The following FAM20C variants were observed in gnomAD, a reference collection of about 807,000 sequenced individuals.
FAM20C encodes FAM20C golgi associated secretory pathway kinase.
A neutral mutation model predicts 51.5 loss-of-function variants in FAM20C; 40 were observed. The observed-to-expected ratio is 0.78, with a 90% CI of 0.60 to 1.01. FAM20C has a LOEUF of 1.01. Among genes scored for constraint, FAM20C ranks in the 50% least tolerant of loss-of-function variants. The pLI, the probability that FAM20C is intolerant of heterozygous loss-of-function variation, is 0.00. For missense variants in FAM20C, 861 were observed against 844.7 expected, an observed-to-expected ratio of 1.02 and a Z score of -0.24; for synonymous variants, 406 against 380.6, an observed-to-expected ratio of 1.07 and a Z score of -0.78.
chr7:205,812 G>A (rs765971807), intron 2 of FAM20C, among the ~76,000 whole-genome samples: 7 of 151,970 alleles, frequency 4.6e-5, no homozygotes, highest in Non-Finnish European at 8.8e-5. Flanking sequence ...AGTGTCCTCG[G>A]GAAGCATCCA....
At chr7:252,597 C>G (rs1222849493) in intron 5 of FAM20C, among the ~76,000 whole-genome samples, 1 of 152,240 alleles carries the variant, frequency 6.6e-6, no homozygotes, top group Admixed American at 6.5e-5. Flanking sequence ...AGTGACCCTC[C>G]CGTGGGGTCA....
At chr7:217,995 T>G (rs1268065178) in intron 3 of FAM20C, among the ~76,000 whole-genome samples, 1 of 152,080 alleles carries the variant, frequency 6.6e-6, no homozygotes, top group African/African-American at 2.4e-5. Context: ...GGGCTGCCCG[T>G]CCCCGTCGGC....
intron 5 of FAM20C, among the ~76,000 whole-genome samples, chr7:254,238 T>C (rs540284069): frequency 1.3e-5 from 2 of 152,316 alleles, no homozygotes; most frequent in South Asian, 4.1e-4. Context: ...GCCACCCTCC[T>C]GTTCACTCCG....
At chr7:229,076 A>T (rs936933802) in intron 3 of FAM20C, 4 of 303,836 alleles carry the variant, frequency 1.3e-5, no homozygotes, top group Non-Finnish European at 2.5e-5. Flanking sequence ...CACGGGGGCC[A>T]CTCTAGGACC....
At chr7:255,179 G>A (rs546259715) in intron 5 of FAM20C, among the ~76,000 whole-genome samples, 97 of 152,292 alleles carry the variant, frequency 6.4e-4, no homozygotes, top group Non-Finnish European at 1.2e-3. Context: ...CGTTTCCGCC[G>A]TGGCTGTGCC....
chr7:242,945 A>AACCTGTGCCACCCGGGAT (rs1291791100), intron 3 of FAM20C, among the ~76,000 whole-genome samples: 8 of 151,608 alleles, frequency 5.3e-5, no homozygotes, highest in African/African-American at 1.2e-4. Flanking sequence ...ACCTACAAGA[A>AACCTGTGCCACCCGGGAT]ACCTGTGCCA....
At chr7:209,134 C>A (rs985916692) in intron 3 of FAM20C, among the ~76,000 whole-genome samples, 158 bp downstream of exon 3, 2 of 152,180 alleles carry the variant, frequency 1.3e-5, no homozygotes, top group Non-Finnish European at 2.9e-5. Context: ...AAACGAGCAA[C>A]AGAGGTGGCC....
At chr7:218,906 C>T (rs138762548) in intron 3 of FAM20C, among the ~76,000 whole-genome samples, 19,390 of 129,380 alleles carry the variant, frequency 0.15, 2,010 homozygotes, top group Admixed American at 0.24. Flanking sequence ...GCCCAGGACG[C>T]ACAGATCACT....
At chr7:254,674 G>T (rs1788522008) in intron 5 of FAM20C, among the ~76,000 whole-genome samples, 1 of 152,172 alleles carries the variant, frequency 6.6e-6, no homozygotes, top group Non-Finnish European at 1.5e-5. Context: ...ATCCACAATG[G>T]TGTGCAACCA....
chr7:234,160 G>A (rs1787780217), intron 3 of FAM20C, among the ~76,000 whole-genome samples: 1 of 152,128 alleles, frequency 6.6e-6, no homozygotes, highest in Non-Finnish European at 1.5e-5. Context: ...CCTTCGTGAG[G>A]AGGAGAGCAC....
intron 3 of FAM20C, among the ~76,000 whole-genome samples, chr7:220,080 T>C (rs1168257432): frequency 6.6e-6 from 1 of 152,130 alleles, no homozygotes; most frequent in Non-Finnish European, 1.5e-5. Flanking sequence ...TCCTGCTGAC[T>C]CCCTGGGGGA....
intron 1 of FAM20C, among the ~76,000 whole-genome samples, chr7:194,487 G>A (rs769628591): frequency 1.4e-5 from 2 of 140,836 alleles, no homozygotes; most frequent in African/African-American, 2.7e-5. Context: ...CATTAACCAC[G>A]ACAAGGCCAG....
chr7:230,065 T>C (rs1787600130), intron 3 of FAM20C, among the ~76,000 whole-genome samples: 1 of 152,064 alleles, frequency 6.6e-6, no homozygotes, highest in Non-Finnish European at 1.5e-5. Context: ...GCCCCGGCCG[T>C]GGAACCTGTA....
intron 3 of FAM20C, among the ~76,000 whole-genome samples, chr7:232,735 C>G (rs942354325): frequency 4.6e-5 from 7 of 152,354 alleles, no homozygotes; most frequent in South Asian, 2.1e-4. Context: ...GGGCCAGCTC[C>G]GGGAATGCCT....
At chr7:210,615 T>C (rs1260222245) in intron 3 of FAM20C, among the ~76,000 whole-genome samples, 3 of 152,102 alleles carry the variant, frequency 2.0e-5, no homozygotes, top group Non-Finnish European at 2.9e-5. Flanking sequence ...GGAGCATTTT[T>C]CAGCCTCGCA....
In FAM20C at chr7:257,112, C is replaced by T. The variant is rs374297031; in HGVS notation, c.1445+26C>T. 136 of 1,533,808 alleles carry T rather than the reference C, an allele frequency of 8.9e-5. No homozygotes were observed. The African/African-American group carries it at 1.8e-3, about 20-fold the overall frequency. On this transcript the variant is annotated intron_variant, in intron 8 of 9. Coordinates refer to ENST00000313766, the MANE Select transcript of FAM20C (RefSeq NM_020223.4). Reference sequence around the variant, plus strand: ...GTGAGCCTGTCCTCGCCCCTGCACACCCAGGGAAGGGCCGGCCACCTCCCA... The same window carrying T: ...GTGAGCCTGTCCTCGCCCCTGCACATCCAGGGAAGGGCCGGCCACCTCCCA...
chr7:210,440 A>G (rs1459821343), intron 3 of FAM20C, among the ~76,000 whole-genome samples: 2 of 150,020 alleles, frequency 1.3e-5, no homozygotes, highest in African/African-American at 4.9e-5. Context: ...GGGGGTGGGC[A>G]GGAGACAAAT....
chr7:215,041 C>G (rs886356053), intron 3 of FAM20C, among the ~76,000 whole-genome samples: 1 of 152,190 alleles, frequency 6.6e-6, no homozygotes, highest in East Asian at 2.0e-4. Context: ...TGCCTAAACA[C>G]TCCTCGTCAC....
At chr7:205,282 G>A (rs1036920307) in intron 2 of FAM20C, among the ~76,000 whole-genome samples, 53 of 145,412 alleles carry the variant, frequency 3.6e-4, no homozygotes, top group Middle Eastern at 7.0e-3. Flanking sequence ...CCGAGTAGCC[G>A]GGACCACGGA....
Sources: gnomAD v4.1 joint callset for allele counts (sites outside exome capture counted in the v4.1 genomes callset) on GRCh38, gnomAD v4.1.1 for gene constraint, MANE v1.5 for transcripts, NCBI Gene and HGNC (gene_info 2026-07-23, HGNC 2026-07-21) for gene names.